Variants in LRRIQ1 observed in about 807,000 individuals in gnomAD.
LRRIQ1 encodes the protein leucine-rich repeat- and IQ domain-containing protein 1.
In LRRIQ1, 210 loss-of-function variants were observed where a neutral mutation model predicts 211.9. The ratio of observed to expected loss-of-function variants is 0.99; its 90% CI spans 0.89 to 1.11. LRRIQ1 has a LOEUF of 1.11. Among genes scored for constraint, LRRIQ1 ranks in the 50% most tolerant of loss-of-function variants. The pLI, the probability that LRRIQ1 is intolerant of heterozygous loss-of-function variation, is 0.00. For missense variants in LRRIQ1, 2,136 were observed against 1,939.5 expected (o/e 1.10, Z -1.90); for synonymous variants, 699 against 650.1 (o/e 1.08, Z -1.14).
intron 26 of LRRIQ1, among the ~76,000 whole-genome samples, chr12:85,239,713 C>G (rs117838546): frequency 6.9e-6 from 1 of 145,908 alleles, no homozygotes; most frequent in Non-Finnish European, 1.5e-5. Context: ...CATGGTGGCT[C>G]GCGCTTGTAA....
At chr12:85,222,330 C>T (rs528494820) in intron 24 of LRRIQ1, among the ~76,000 whole-genome samples, 1 of 151,994 alleles carries the variant, frequency 6.6e-6, no homozygotes, top group Admixed American at 6.6e-5. Context: ...AGAGAAGAAT[C>T]CTGAGATTGA....
chr12:85,173,446 C>G (rs1395024028), intron 24 of LRRIQ1, among the ~76,000 whole-genome samples: 10 of 152,178 alleles, frequency 6.6e-5, no homozygotes, highest in Admixed American at 2.0e-4. Flanking sequence ...TTATTTCTCA[C>G]AAATCTGCAG....
chr12:85,150,791 T>A (rs1352225390), intron 19 of LRRIQ1, among the ~76,000 whole-genome samples: 3 of 146,894 alleles, frequency 2.0e-5, no homozygotes, highest in South Asian at 2.1e-4. Context: ...GCATTTTTTT[T>A]AACAAATATT....
At chr12:85,158,341 G>A (rs1368302846) in intron 23 of LRRIQ1, among the ~76,000 whole-genome samples, 1 of 151,648 alleles carries the variant, frequency 6.6e-6, no homozygotes, top group Admixed American at 6.6e-5. Flanking sequence ...ATTTAAATTA[G>A]TAAATAGTAC....
intron 26 of LRRIQ1, among the ~76,000 whole-genome samples, chr12:85,235,035 G>A (rs1306346903): frequency 1.3e-5 from 2 of 152,166 alleles, no homozygotes; most frequent in African/African-American, 4.8e-5. Context: ...GTATCATCCA[G>A]AATACTCTTT....
chr12:85,159,974 T>C (rs1890774940), intron 23 of LRRIQ1, among the ~76,000 whole-genome samples: 1 of 152,022 alleles, frequency 6.6e-6, no homozygotes, highest in Non-Finnish European at 1.5e-5. Context: ...ATGTAAATCA[T>C]ACTTAGTAAA....
intron 23 of LRRIQ1, among the ~76,000 whole-genome samples, chr12:85,157,103 T>C (rs529763358): frequency 1.4e-3 from 206 of 151,942 alleles, no homozygotes; most frequent in Admixed American, 2.8e-3. Flanking sequence ...AAGCAGAGGG[T>C]CAATTAATTT....
chr12:85,216,169 C>T (rs1894069061), intron 24 of LRRIQ1, among the ~76,000 whole-genome samples: 1 of 152,150 alleles, frequency 6.6e-6, no homozygotes, highest in African/African-American at 2.4e-5. Context: ...TATCCCTCTC[C>T]TACCCCCGCA....
chr12:85,106,632 G>A lies in LRRIQ1; in HGVS notation c.3377+17G>A, dbSNP rs1886804732. 7.2e-6 allele frequency: 11 copies of A among 1,518,476 alleles called. No individual in the cohort carries two copies. Among genetic ancestry groups the A allele is most frequent in the Non-Finnish European group, 1.0e-5 (11 of 1,095,306 alleles). 94.1% of individuals were successfully genotyped at this position (1,518,476 alleles called of 1,614,324 possible). ...AAACTGGAGGTAAAGAGGCATTGTT[G>A]CACCCCATGTATATCCATTATTATA... On this transcript the variant is annotated intron_variant, in intron 15 of 26. Coordinates refer to ENST00000393217, the MANE Select transcript of LRRIQ1 (RefSeq NM_001079910.2).
chr12:85,213,784 CAT>C (rs1893950148), intron 24 of LRRIQ1, among the ~76,000 whole-genome samples: 1 of 151,816 alleles, frequency 6.6e-6, no homozygotes, highest in Admixed American at 6.6e-5. Flanking sequence ...AAAAACACCA[CAT>C]ATTGTAGACA....
At chr12:85,194,884 G>C (rs1204157233) in intron 24 of LRRIQ1, among the ~76,000 whole-genome samples, 1 of 152,060 alleles carries the variant, frequency 6.6e-6, no homozygotes, top group Non-Finnish European at 1.5e-5. Flanking sequence ...GAATCCAGGA[G>C]CTGGTTTTTT....
chr12:85,268,409 A>G (rs1896467149), downstream of LRRIQ1, among the ~76,000 whole-genome samples: 1 of 151,970 alleles, frequency 6.6e-6, no homozygotes, highest in Admixed American at 6.6e-5. Context: ...AATGCTCTAT[A>G]CTCAAAAATA....
At chr12:85,244,759 A>T in intron 26 of LRRIQ1, 30 bp from the exon 27 acceptor site, 2 of 1,595,704 alleles carry the variant, frequency 1.3e-6, no homozygotes, top group South Asian at 1.1e-5. Flanking sequence ...TTGTTTCATG[A>T]TTGTATACAT....
intron 24 of LRRIQ1, among the ~76,000 whole-genome samples, chr12:85,165,825 T>G (rs1420046135): frequency 6.6e-6 from 1 of 152,170 alleles, no homozygotes; most frequent in African/African-American, 2.4e-5. Context: ...TTCCACATTT[T>G]CTTTATCCAA....
chr12:85,066,933 A>G (rs1882501757), intron 10 of LRRIQ1, 35 bp downstream of exon 10: 2 of 1,165,702 alleles, frequency 1.7e-6, no homozygotes. Flanking sequence ...TTAAAGATAT[A>G]TTTCTCATAA....
chr12:85,224,418 A>G (rs933631639), intron 24 of LRRIQ1, among the ~76,000 whole-genome samples: 1 of 152,192 alleles, frequency 6.6e-6, no homozygotes, highest in African/African-American at 2.4e-5. Context: ...TCATTCTACT[A>G]TAAAGACACA....
At chr12:85,198,089 T>C (rs1893077455) in intron 24 of LRRIQ1, among the ~76,000 whole-genome samples, 1 of 111,956 alleles carries the variant, frequency 8.9e-6, no homozygotes, top group East Asian at 3.4e-4. Flanking sequence ...TAATTTATTA[T>C]ATTATATATT....
chr12:85,142,601 T>G (rs955906297), intron 19 of LRRIQ1, among the ~76,000 whole-genome samples: 8 of 151,394 alleles, frequency 5.3e-5, no homozygotes, highest in Non-Finnish European at 8.9e-5. Flanking sequence ...GTGACCAAGA[T>G]CTCCTGCAAC....
rs1891485124 is a variant in LRRIQ1 at position 85,172,867 on chromosome 12, G to A, written c.4822+12153G>A. ...CTCATACCTGTAATCCCAGCACTTT[G>A]TGAAGCTGAGGCGGGTGGATCACAA... On this transcript the variant is annotated intron_variant, in intron 24 of 26. Coordinates refer to ENST00000393217, the MANE Select transcript of LRRIQ1 (RefSeq NM_001079910.2). Among the ~76,000 whole-genome samples the A allele has an allele frequency of 3.3e-5, 5 of 152,156 alleles. No homozygotes were observed. In the South Asian group the frequency reaches 1.0e-3, roughly 32 times the overall value.
Sources: allele counts gnomAD v4.1 joint callset (sites outside exome capture counted in the v4.1 genomes callset), GRCh38; gene constraint gnomAD v4.1.1; transcripts MANE v1.5; gene names NCBI Gene and HGNC (gene_info 2026-07-23, HGNC 2026-07-21).